CSMD3: variants seen among roughly 807,000 people sequenced by gnomAD.
The protein encoded by CSMD3 is CUB and Sushi multiple domains 3, also known as CUB and sushi domain-containing protein 3.
In CSMD3, 177 loss-of-function variants were observed where a neutral mutation model predicts 435.2. The ratio of observed to expected loss-of-function variants is 0.41; its 90% CI spans 0.36 to 0.46. CSMD3 has a LOEUF of 0.46. Ranked by LOEUF, CSMD3 falls within the 20% of genes least tolerant of loss-of-function variation. The probability of loss-of-function intolerance (pLI) is 0.34; values close to 1 mark genes in which losing one functional copy is unlikely to be tolerated. For missense variants in CSMD3, 4,265 were observed against 4,504.6 expected (o/e 0.95, Z 1.52); for synonymous variants, 1,656 against 1,520.5 (o/e 1.09, Z -2.07).
At chr8:113,269,853 A>G (rs2093505647) in intron 3 of CSMD3, among the ~76,000 whole-genome samples, 1 of 152,044 alleles carries the variant, frequency 6.6e-6, no homozygotes, top group Admixed American at 6.6e-5. Flanking sequence ...CTAAAACCAT[A>G]AAAACCCTAG....
intron 2 of CSMD3, among the ~76,000 whole-genome samples, chr8:113,279,165 T>C (rs941897550): frequency 3.3e-5 from 5 of 150,868 alleles, no homozygotes; most frequent in African/African-American, 1.2e-4. Context: ...AAAATCTCTC[T>C]ATGAAGAGCG....
chr8:112,416,668 A>G (rs1174037978), intron 32 of CSMD3, among the ~76,000 whole-genome samples: 6 of 152,208 alleles, frequency 3.9e-5, no homozygotes, highest in Non-Finnish European at 8.8e-5. Context: ...CATGATTACC[A>G]TAATTCAATG....
chr8:113,293,605 C>T (rs2093700417), intron 2 of CSMD3, among the ~76,000 whole-genome samples: 1 of 152,062 alleles, frequency 6.6e-6, no homozygotes, highest in African/African-American at 2.4e-5. Context: ...TTCTGGAAAG[C>T]CCAATCCCTC....
intron 27 of CSMD3, among the ~76,000 whole-genome samples, chr8:112,525,330 T>C (rs889890438): frequency 6.7e-6 from 1 of 149,212 alleles, no homozygotes; most frequent in Non-Finnish European, 1.5e-5. Context: ...ATAAATTTTA[T>C]ATATAAAATT....
chr8:112,487,339 A>G (rs1820238651), intron 31 of CSMD3, among the ~76,000 whole-genome samples: 1 of 152,196 alleles, frequency 6.6e-6, no homozygotes, highest in Non-Finnish European at 1.5e-5. Flanking sequence ...CTAGACAGCC[A>G]GAGAGCTGGG....
chr8:112,705,545 C>G (rs549340280), intron 13 of CSMD3, among the ~76,000 whole-genome samples: 2 of 151,922 alleles, frequency 1.3e-5, no homozygotes, highest in Admixed American at 1.3e-4. Context: ...CTTTTTCTCC[C>G]GTTAATCTGA....
At chr8:112,259,562 A>T (rs1460127139) in intron 61 of CSMD3, among the ~76,000 whole-genome samples, 1 of 152,136 alleles carries the variant, frequency 6.6e-6, no homozygotes, top group Non-Finnish European at 1.5e-5. Context: ...CACGTTCTTC[A>T]CCTGTACCCC....
At chr8:113,308,645 T>C (rs2093842501) in intron 2 of CSMD3, among the ~76,000 whole-genome samples, 1 of 152,216 alleles carries the variant, frequency 6.6e-6, no homozygotes, top group African/African-American at 2.4e-5. Flanking sequence ...TATTTAGAAC[T>C]CATATTTCTG....
At chr8:112,899,314 A>G (rs1407630186) in intron 10 of CSMD3, among the ~76,000 whole-genome samples, 1 of 150,806 alleles carries the variant, frequency 6.6e-6, no homozygotes, top group African/African-American at 2.4e-5. Context: ...CTACCCTTAT[A>G]GAAATCTAAG....
At chr8:112,228,988 C>A (rs1812833637) in intron 69 of CSMD3, 97 bp from the exon 70 acceptor site, 1 of 730,568 alleles carries the variant, frequency 1.4e-6, no homozygotes, top group Admixed American at 2.5e-5. Context: ...CTCAAGATAT[C>A]TACCTGGAAA....
intron 4 of CSMD3, among the ~76,000 whole-genome samples, chr8:113,108,921 G>A (rs1432786590): frequency 6.6e-6 from 1 of 152,188 alleles, no homozygotes; most frequent in Non-Finnish European, 1.5e-5. Context: ...ATGTGCATGT[G>A]TAAATTGACA....
chr8:112,985,748 G>A (rs1044761114), intron 6 of CSMD3, among the ~76,000 whole-genome samples: 7 of 152,114 alleles, frequency 4.6e-5, no homozygotes, highest in African/African-American at 1.7e-4. Context: ...TCAAGCAAGA[G>A]ATCTAGGTTG....
chr8:113,212,532 T>C (rs1167505091), intron 3 of CSMD3, among the ~76,000 whole-genome samples: 5 of 152,158 alleles, frequency 3.3e-5, no homozygotes, highest in African/African-American at 1.2e-4. Flanking sequence ...ATGTGGCACA[T>C]ATACACCATA....
intron 11 of CSMD3, among the ~76,000 whole-genome samples, chr8:112,848,958 C>A (rs2080405763): frequency 6.6e-6 from 1 of 152,068 alleles, no homozygotes; most frequent in African/African-American, 2.4e-5. Context: ...TTAAGATCCA[C>A]AAGTGATGTG....
chr8:112,559,101 A>C (rs545521353), intron 24 of CSMD3, among the ~76,000 whole-genome samples: 1 of 151,958 alleles, frequency 6.6e-6, no homozygotes, highest in African/African-American at 2.4e-5. Flanking sequence ...GAATTTGCTA[A>C]AAACTGAGAT....
At chr8:112,727,247 T>C (rs1402862103) in intron 13 of CSMD3, among the ~76,000 whole-genome samples, 10 of 151,846 alleles carry the variant, frequency 6.6e-5, no homozygotes, top group Non-Finnish European at 1.3e-4. Context: ...TCAACAAAAA[T>C]GTATCAAAAA....
At chr8:112,770,389 C>A (rs1376313991) in intron 13 of CSMD3, among the ~76,000 whole-genome samples, 2 of 152,018 alleles carry the variant, frequency 1.3e-5, no homozygotes, top group African/African-American at 4.8e-5. Context: ...GCGTTCAAGG[C>A]ACCATCTTGG....
chr8:113,238,009 A>C (rs907032561), intron 3 of CSMD3, among the ~76,000 whole-genome samples: 5 of 144,482 alleles, frequency 3.5e-5, no homozygotes, highest in African/African-American at 1.0e-4. Flanking sequence ...TAGGAGGTGG[A>C]GGTTGCAGTG....
chr8:112,536,124 T>C (rs1406278083), intron 27 of CSMD3, among the ~76,000 whole-genome samples: 2 of 152,194 alleles, frequency 1.3e-5, no homozygotes, highest in Non-Finnish European at 2.9e-5. Flanking sequence ...AAGGACTTCA[T>C]GTCCAAAACA....
Sources: gnomAD v4.1 joint callset for allele counts (sites outside exome capture counted in the v4.1 genomes callset) on GRCh38, gnomAD v4.1.1 for gene constraint, MANE v1.5 for transcripts, NCBI Gene and HGNC (gene_info 2026-07-23, HGNC 2026-07-21) for gene names.